TPP2: variants seen among roughly 807,000 people sequenced by gnomAD.
TPP2 encodes the protein tripeptidyl-peptidase 2.
A neutral mutation model predicts 155.9 loss-of-function variants in TPP2; 34 were observed. That is an observed-to-expected ratio of 0.22 (90% confidence interval 0.17 to 0.29). TPP2 has a LOEUF of 0.29. TPP2 is among the 10% of genes least tolerant of loss of function. TPP2 has a pLI of 1.00. For missense variants in TPP2, 1,028 were observed against 1,522.3 expected (o/e 0.68, Z 5.40); for synonymous variants, 510 against 529.4 (o/e 0.96, Z 0.50).
chr13:102,652,415 T>TAAAAGGG (rs1372423692), intron 24 of TPP2, among the ~76,000 whole-genome samples: 2 of 10,692 alleles, frequency 1.9e-4, no homozygotes, highest in African/African-American at 1.5e-3. Flanking sequence ...TATATATATA[T>TAAAAGGG]ATATATATAT....
intron 4 of TPP2, among the ~76,000 whole-genome samples, chr13:102,617,081 T>A (rs1048418386): frequency 9.9e-5 from 15 of 151,750 alleles, no homozygotes; most frequent in Non-Finnish European, 7.4e-5. Flanking sequence ...ACTAGTTTTT[T>A]TTTTTTGCAT....
At chr13:102,616,311 C>A in intron 3 of TPP2, 85 bp from the exon 4 acceptor site, 2 of 1,119,366 alleles carry the variant, frequency 1.8e-6, no homozygotes, top group Non-Finnish European at 2.6e-6. Context: ...ACAACTGTAC[C>A]AACAAAGTCC....
At chr13:102,674,554 C>A (rs575674117) in intron 28 of TPP2, 64 bp downstream of exon 28, 97 of 1,514,530 alleles carry the variant, frequency 6.4e-5, no homozygotes, top group Non-Finnish European at 8.6e-5. Context: ...TCTCTTGTGC[C>A]CCATTGCTGG....
At chr13:102,644,714 CT>C in intron 18 of TPP2, 41 bp downstream of exon 18, 6 of 1,534,942 alleles carry the variant, frequency 3.9e-6, no homozygotes, top group Non-Finnish European at 5.3e-6. Flanking sequence ...ATGTCAGTTA[CT>C]TGTGTTACTG....
In TPP2 at chr13:102,676,362, A is replaced by G. The variant is rs1285858277; in HGVS notation, c.3646A>G (p.Thr1216Ala). 1.2e-6 allele frequency: 2 copies of G among 1,611,156 alleles called. No homozygotes were observed. Among genetic ancestry groups the G allele is most frequent in the Non-Finnish European group, 1.7e-6 (2 of 1,178,076 alleles). The change falls in exon 29 of 30, where the codon ACT (threonine) becomes GCT (alanine). Residue 1216 changes from threonine to alanine, a missense_variant. Physicochemically the swap from Thr to Ala is moderately conservative, Grantham distance 58 (BLOSUM62 0). This residue lies in a region of TPP2 where 41 missense variants were observed against 78.3 expected (regional missense o/e 0.52). Transcript: ENST00000376052. ...GTATGGGAGAGGCCTTAAATTTGCA[A>G]CTAAACTTGTGGAAGAAAAACCAAC... ...KMYGRGLKFA[T>A]KLVEEKPTKE...
chr13:102,638,528 C>T (rs1398209099), intron 15 of TPP2, among the ~76,000 whole-genome samples: 1 of 152,152 alleles, frequency 6.6e-6, no homozygotes, highest in Non-Finnish European at 1.5e-5. Flanking sequence ...TGGCATCTGC[C>T]CTACCTCTGC....
At chr13:102,665,045 G>C (rs944618761) in intron 27 of TPP2, 120 bp downstream of exon 27, 41 of 1,239,942 alleles carry the variant, frequency 3.3e-5, no homozygotes, top group Admixed American at 5.2e-5. Flanking sequence ...CTTATAATGG[G>C]AATTATCACT....
intron 24 of TPP2, chr13:102,654,989 TC>T (rs1883760108): frequency 3.9e-6 from 2 of 508,926 alleles, no homozygotes; most frequent in Non-Finnish European, 7.8e-6. Flanking sequence ...TGTTTCCTTT[TC>T]CCAGTCTCAT....
chr13:102,636,206 G>A lies in TPP2; in HGVS notation c.1510-18G>A. 3.8e-6 allele frequency: 6 copies of A among 1,586,246 alleles called. No homozygotes were observed. Among genetic ancestry groups the A allele is most frequent in the Non-Finnish European group, 4.3e-6 (5 of 1,168,044 alleles). On this transcript the variant is annotated intron_variant, in intron 12 of 29. Transcript: ENST00000376052. ...GACCCAACCATTTATATCTTACCAT[G>A]TATATTATTTTCACTAGGTTGATAA...
intron 27 of TPP2, among the ~76,000 whole-genome samples, chr13:102,666,766 C>CTTTTTTTTTTTTTATTTTTT (rs1884628629): frequency 1.8e-5 from 1 of 55,732 alleles, no homozygotes; most frequent in Non-Finnish European, 3.1e-5. Context: ...TTTTTAATCT[C>CTTTTTTTTTTTTTATTTTTT]TTTTTTTTTT....
At chr13:102,603,640 C>G (rs533126884) in intron 1 of TPP2, among the ~76,000 whole-genome samples, 2 of 152,224 alleles carry the variant, frequency 1.3e-5, no homozygotes, top group East Asian at 3.9e-4. Context: ...TGGTGCGAGG[C>G]TTTTTATGCG....
At chr13:102,640,096 T>G (rs1276891374) in intron 15 of TPP2, among the ~76,000 whole-genome samples, 174 bp from the exon 16 acceptor site, 4 of 148,922 alleles carry the variant, frequency 2.7e-5, no homozygotes, top group Non-Finnish European at 1.5e-5. Flanking sequence ...AGAGGTTATC[T>G]CTGCTAACCT....
intron 2 of TPP2, among the ~76,000 whole-genome samples, chr13:102,608,794 C>T (rs1168844231): frequency 6.6e-6 from 1 of 151,996 alleles, no homozygotes; most frequent in Non-Finnish European, 1.5e-5. Context: ...CCTCTCCTTC[C>T]TCTTTCTCTG....
rs770691393 is a variant in TPP2 at position 102,664,815 on chromosome 13, T to G, written c.3261T>G (p.Asn1087Lys). Residue 1087 changes from asparagine (N) to lysine (K), a missense_variant, in exon 27 of 30, where the codon AAT becomes AAG. Physicochemically the swap from Asn to Lys is moderately conservative, Grantham distance 94. Around this residue, in one of 7 missense-constraint regions of TPP2, gnomAD observed 179 missense variants for 274.7 expected, o/e 0.65. Coordinates refer to ENST00000376052, the MANE Select transcript of TPP2 (RefSeq NM_001330588.2). ...DAEKERMKRLNEIVDAANAVI... is the reference protein window; with the variant it reads ...DAEKERMKRLKEIVDAANAVI... ...TCCAGGAACGAATGAAAAGACTTAA[T>G]GAAATTGTTGATGCGGCAAATGCTG... 1.9e-6 allele frequency: 3 copies of G among 1,613,258 alleles called. No homozygotes were observed. Among genetic ancestry groups the G allele is most frequent in the Non-Finnish European group, 2.5e-6 (3 of 1,179,758 alleles).
chr13:102,669,585 A>G (rs1389152869), intron 27 of TPP2, among the ~76,000 whole-genome samples: 1 of 152,228 alleles, frequency 6.6e-6, no homozygotes, highest in Non-Finnish European at 1.5e-5. Context: ...TCTGTTTGCC[A>G]TAACTGATTA....
chr13:102,663,812 A>C (rs1170051276), intron 26 of TPP2, 68 bp downstream of exon 26: 11 of 1,195,170 alleles, frequency 9.2e-6, no homozygotes, highest in Admixed American at 5.6e-5. Flanking sequence ...TTTGAGGAAA[A>C]GTGCATTATC....
At position 102,647,309 on chromosome 13, in the gene TPP2, A is replaced by C; in HGVS notation, c.2593A>C (p.Arg865=). 6.2e-7 allele frequency: 1 copy of C among 1,613,966 alleles called. No homozygotes were observed. The highest frequency in any genetic ancestry group is 8.5e-7 in the Non-Finnish European group (1 of 1,179,956). The change falls in exon 21 of 30, where the codon AGA becomes CGA. Residue 865 remains arginine (R), a synonymous_variant. Coordinates refer to ENST00000376052, the MANE Select transcript of TPP2 (RefSeq NM_001330588.2). ...GTGGATTATTTTTGACCAGAACAAA[A>C]GACAGATGGGTTCAGGCGATGCCTA... ...QLWIIFDQNK[R]QMGSGDAYPH... is the part of the protein sequence containing the mutation.
At chr13:102,673,740 T>G (rs1375291231) in intron 27 of TPP2, among the ~76,000 whole-genome samples, 3 of 152,236 alleles carry the variant, frequency 2.0e-5, no homozygotes, top group Non-Finnish European at 4.4e-5. Flanking sequence ...GTTTCTTCCT[T>G]TGCAACATGG....
chr13:102,607,888 G>A (rs373130172), intron 2 of TPP2: 26 of 190,464 alleles, frequency 1.4e-4, no homozygotes, highest in African/African-American at 5.2e-4. Flanking sequence ...ACCATGCCTG[G>A]CCTCATTTAT....
Sources: gnomAD v4.1 joint callset for allele counts (sites outside exome capture counted in the v4.1 genomes callset) on GRCh38, gnomAD v4.1.1 for gene constraint, gnomAD v4.1.1 regional missense constraint, MANE v1.5 for transcripts, NCBI Gene and HGNC (gene_info 2026-07-23, HGNC 2026-07-21) for gene names.